Variants in FBXO4 observed in about 807,000 individuals in gnomAD.
FBXO4 encodes F-box protein 4.
FBXO4 carries 36 observed loss-of-function variants against 43.7 expected under a neutral mutation model. The observed-to-expected ratio is 0.82, with a 90% CI of 0.63 to 1.09. FBXO4 has a LOEUF of 1.09. Among genes scored for constraint, FBXO4 ranks in the 50% least tolerant of loss-of-function variants. The pLI is 0.00. For missense variants in FBXO4, 435 were observed against 474.1 expected, an observed-to-expected ratio of 0.92 and a Z score of 0.77; for synonymous variants, 180 against 165.6, an observed-to-expected ratio of 1.09 and a Z score of -0.67.
chr5:42,029,335 T>C, the FBXO4 span, among the ~76,000 whole-genome samples: 3 of 152,094 alleles, frequency 2.0e-5, no homozygotes, highest in African/African-American at 7.2e-5. Context: ...CCATTGTATA[T>C]TATCTGTTTC....
the FBXO4 span, among the ~76,000 whole-genome samples, chr5:42,035,845 T>A: frequency 6.6e-6 from 1 of 152,108 alleles, no homozygotes; most frequent in African/African-American, 2.4e-5. Context: ...ATGGTTAAGA[T>A]TTAATAAAAT....
chr5:41,933,245 G>C (rs894445349), intron 3 of FBXO4, among the ~76,000 whole-genome samples: 2 of 152,046 alleles, frequency 1.3e-5, no homozygotes. Flanking sequence ...TTTGAGACAA[G>C]GTCTCTGTTA....
chr5:41,930,670 CTTTT>C (rs555192662), intron 3 of FBXO4, among the ~76,000 whole-genome samples: 9 of 141,782 alleles, frequency 6.3e-5, no homozygotes, highest in African/African-American at 1.3e-4. Flanking sequence ...TTCTTTCTTT[CTTTT>C]TTTTTTTTTT....
At chr5:41,996,873 G>T in the FBXO4 span, among the ~76,000 whole-genome samples, 5 of 152,134 alleles carry the variant, frequency 3.3e-5, no homozygotes, top group African/African-American at 1.2e-4. Context: ...CCATCCTCTG[G>T]CACACAAATG....
chr5:41,934,323 G>GTACA lies in FBXO4; in HGVS notation c.898+17_898+20dup. Reference sequence around the variant, plus strand: ...AGCTCATAAAAGTAAGTACTCATATGTACATTTTTAAGCACATTGTTCTTT... The same window carrying GTACA: ...AGCTCATAAAAGTAAGTACTCATATGTACATACATTTTTAAGCACATTGTTCTTT... On this transcript the variant is annotated intron_variant, in intron 5 of 6. Coordinates refer to ENST00000281623, the MANE Select transcript of FBXO4 (RefSeq NM_012176.3). The GTACA allele has an allele frequency of 6.2e-7, 1 of 1,613,844 alleles. No individual in the cohort carries two copies. Among genetic ancestry groups the GTACA allele is most frequent in the Non-Finnish European group, 8.5e-7 (1 of 1,179,962 alleles).
At chr5:41,971,788 A>C in the FBXO4 span, among the ~76,000 whole-genome samples, 2 of 152,144 alleles carry the variant, frequency 1.3e-5, no homozygotes, top group African/African-American at 4.8e-5. Flanking sequence ...TAAATTACAA[A>C]GAATTTATGT....
chr5:41,950,992 CGT>C, the FBXO4 span, among the ~76,000 whole-genome samples: 1 of 152,184 alleles, frequency 6.6e-6, no homozygotes, highest in Admixed American at 6.5e-5. Context: ...TGTTCTCATT[CGT>C]AAGTGGGAGT....
chr5:41,927,348 G>T (rs1751540844), intron 2 of FBXO4, 100 bp downstream of exon 2: 1 of 870,226 alleles, frequency 1.1e-6, no homozygotes, highest in Non-Finnish European at 1.8e-6. Context: ...GATTTGTTGC[G>T]TGGATTTGGG....
chr5:41,994,930 G>T, the FBXO4 span, among the ~76,000 whole-genome samples: 1 of 152,058 alleles, frequency 6.6e-6, no homozygotes, highest in Non-Finnish European at 1.5e-5. Flanking sequence ...TGATTCCTGG[G>T]CCCATGAATC....
the FBXO4 span, among the ~76,000 whole-genome samples, chr5:42,032,306 C>A: frequency 6.6e-6 from 1 of 152,140 alleles, no homozygotes; most frequent in Non-Finnish European, 1.5e-5. Flanking sequence ...GGCCTATGTC[C>A]TCCCCTGCAG....
At chr5:41,981,993 T>A in the FBXO4 span, among the ~76,000 whole-genome samples, 1 of 150,380 alleles carries the variant, frequency 6.6e-6, no homozygotes, top group Admixed American at 6.7e-5. Context: ...AGTGAGAACA[T>A]GCGGTGTTTG....
rs756327061 is a variant in FBXO4 at position 41,939,468 on chromosome 5, A to C, written c.926A>C (p.His309Pro). Reference protein sequence around the residue: ...KRHEWQDEFSHIMAMTDPAFG... With the variant: ...KRHEWQDEFSPIMAMTDPAFG... ...CATGAATGGCAAGATGAATTTTCTC[A>C]TATTATGGCAATGACAGATCCAGCC... Residue 309 changes from histidine to proline, a missense_variant, in exon 6 of 7, where the codon CAT (histidine) becomes CCT (proline). By Grantham distance (77) the His-to-Pro change is moderately conservative. Transcript: ENST00000281623. 2 of 1,611,516 alleles carry C rather than the reference A, an allele frequency of 1.2e-6. No homozygotes were observed. Among genetic ancestry groups the C allele is most frequent in the Admixed American group, 3.3e-5 (2 of 59,742 alleles).
chr5:41,974,625 T>C, the FBXO4 span, among the ~76,000 whole-genome samples: 2 of 152,208 alleles, frequency 1.3e-5, no homozygotes, highest in Non-Finnish European at 2.9e-5. Context: ...TCTTTTTTTT[T>C]CCATCCTTCT....
chr5:41,940,234 C>T (rs1460063572), intron 6 of FBXO4, among the ~76,000 whole-genome samples: 1 of 151,456 alleles, frequency 6.6e-6, no homozygotes, highest in East Asian at 1.9e-4. Context: ...GTTATATGTT[C>T]CATCTTATAG....
At chr5:42,032,196 A>G in the FBXO4 span, among the ~76,000 whole-genome samples, 1 of 151,846 alleles carries the variant, frequency 6.6e-6, no homozygotes, top group South Asian at 2.1e-4. Flanking sequence ...CCAGCACAGC[A>G]CTATTTCTCA....
At chr5:42,027,427 T>G in the FBXO4 span, among the ~76,000 whole-genome samples, 3 of 151,794 alleles carry the variant, frequency 2.0e-5, no homozygotes, top group African/African-American at 7.2e-5. Context: ...TATTTAGATC[T>G]TCTCTTTTTT....
chr5:42,016,621 T>C, the FBXO4 span, among the ~76,000 whole-genome samples: 1 of 152,020 alleles, frequency 6.6e-6, no homozygotes, highest in African/African-American at 2.4e-5. Flanking sequence ...TCTCAGCAAC[T>C]TGTTAAAATG....
the FBXO4 span, among the ~76,000 whole-genome samples, chr5:41,990,016 A>T: frequency 6.6e-6 from 1 of 152,112 alleles, no homozygotes; most frequent in Non-Finnish European, 1.5e-5. Context: ...ACGAAGTAGG[A>T]TTTAGACCTG....
the FBXO4 span, among the ~76,000 whole-genome samples, chr5:42,026,973 A>G: frequency 6.6e-6 from 1 of 151,932 alleles, no homozygotes; most frequent in Admixed American, 6.6e-5. Context: ...GGACTTTTGC[A>G]TCAATATTCC....
Sources: allele counts gnomAD v4.1 joint callset (sites outside exome capture counted in the v4.1 genomes callset), GRCh38; gene constraint gnomAD v4.1.1; transcripts MANE v1.5; gene names NCBI Gene and HGNC (gene_info 2026-07-23, HGNC 2026-07-21).